Variants in C1GALT1 observed in about 807,000 individuals in gnomAD.
C1GALT1 encodes the protein core 1 synthase, glycoprotein-N-acetylgalactosamine 3-beta-galactosyltransferase 1.
C1GALT1 carries 11 observed loss-of-function variants against 31.0 expected under a neutral mutation model. The ratio of observed to expected loss-of-function variants is 0.36; its 90% CI spans 0.22 to 0.59. The LOEUF (loss-of-function observed/expected upper bound fraction) is 0.59, where lower values mean the gene tolerates loss of function less well. Among genes scored for constraint, C1GALT1 ranks in the 20% least tolerant of loss-of-function variants. C1GALT1 has a pLI of 0.79. For synonymous variants in C1GALT1, 175 were observed against 143.6 expected (o/e 1.22, Z -1.56); for missense variants, 424 against 425.2 (o/e 1.00, Z 0.03).
At chr7:7,241,002 A>T (rs1783601735) in intron 3 of C1GALT1, among the ~76,000 whole-genome samples, 2 of 152,054 alleles carry the variant, frequency 1.3e-5, no homozygotes, top group South Asian at 4.1e-4. Context: ...ACTCTTAAGC[A>T]GTTCCCTTCC....
At chr7:7,171,148 T>C (rs958210632) in intron 2 of C1GALT1, among the ~76,000 whole-genome samples, 7 of 152,156 alleles carry the variant, frequency 4.6e-5, no homozygotes, top group Non-Finnish European at 8.8e-5. Flanking sequence ...AAGTCTTTTA[T>C]TTTGTGACTT....
At chr7:7,211,571 G>A (rs879858990) in intron 1 of C1GALT1, among the ~76,000 whole-genome samples, 1 of 152,186 alleles carries the variant, frequency 6.6e-6, no homozygotes, top group Admixed American at 6.5e-5. Flanking sequence ...TATCCCTATT[G>A]CAAACAGTAG....
intron 1 of C1GALT1, among the ~76,000 whole-genome samples, chr7:7,205,841 T>A (rs1781716281): frequency 6.6e-6 from 1 of 152,222 alleles, no homozygotes; most frequent in African/African-American, 2.4e-5. Flanking sequence ...TGTAGTTGGA[T>A]GATGTTTATC....
At chr7:7,194,091 T>G (rs1182837415) in intron 1 of C1GALT1, among the ~76,000 whole-genome samples, 2 of 152,092 alleles carry the variant, frequency 1.3e-5, no homozygotes, top group African/African-American at 4.8e-5. Flanking sequence ...CTTTAGGGTT[T>G]TCTTGGTGTA....
chr7:7,220,322 T>C (rs1199161432), intron 1 of C1GALT1, among the ~76,000 whole-genome samples: 1 of 152,242 alleles, frequency 6.6e-6, no homozygotes, highest in East Asian at 1.9e-4. Context: ...TTTGCTATAT[T>C]ATATTTTAGA....
In C1GALT1 at chr7:7,238,494, G is replaced by A; in HGVS notation, c.460G>A (p.Val154Ile). The A allele has an allele frequency of 6.2e-7, 1 of 1,614,082 alleles. No homozygotes were observed. Among genetic ancestry groups the A allele is most frequent in the South Asian group, 1.1e-5 (1 of 91,078 alleles). ...YWKTIKAFQY[V>I]HEHYLEDADW... ...GAAAACAATTAAAGCTTTTCAGTAT[G>A]TTCATGAACATTATTTAGAAGATGC... Residue 154 changes from valine (V) to isoleucine (I), a missense_variant, in exon 3 of 4, where the codon GTT (valine) becomes ATT (isoleucine). Physicochemically the swap from Val to Ile is conservative, Grantham distance 29 (BLOSUM62 3). Around this residue, in one of 3 missense-constraint regions of C1GALT1, gnomAD observed 44 missense variants for 78.3 expected, o/e 0.56. Transcript: ENST00000436587. The surrounding 1 kb of genome is among the most constrained non-coding windows in gnomAD (Gnocchi z 5.2).
chr7:7,183,198 C>T (rs904942537), intron 1 of C1GALT1, among the ~76,000 whole-genome samples: 1 of 151,966 alleles, frequency 6.6e-6, no homozygotes, highest in South Asian at 2.1e-4. Flanking sequence ...AGCGGTCCTG[C>T]CCCGCCGGGC....
At chr7:7,239,036 A>G in intron 3 of C1GALT1, 114 bp downstream of exon 3, 1 of 852,916 alleles carries the variant, frequency 1.2e-6, no homozygotes. Flanking sequence ...ACTCTTCCTT[A>G]GTCTTTTTAA....
chr7:7,233,967 C>T (rs979871337), intron 1 of C1GALT1, among the ~76,000 whole-genome samples: 10 of 152,042 alleles, frequency 6.6e-5, no homozygotes, highest in African/African-American at 2.2e-4. Flanking sequence ...AGTAGACTTC[C>T]GTACTCAGAG....
At chr7:7,207,133 GC>G (rs1781773547) in intron 1 of C1GALT1, among the ~76,000 whole-genome samples, 1 of 151,858 alleles carries the variant, frequency 6.6e-6, no homozygotes, top group Non-Finnish European at 1.5e-5. Context: ...CATTTCTTCA[GC>G]CGTTTTTCTT....
chr7:7,198,518 G>A (rs1429892635), intron 1 of C1GALT1, among the ~76,000 whole-genome samples: 2 of 152,148 alleles, frequency 1.3e-5, no homozygotes, highest in African/African-American at 4.8e-5. Flanking sequence ...GTCTCTGCTA[G>A]GCTTTGGTAT....
intron 3 of C1GALT1, 85 bp downstream of exon 3, chr7:7,239,007 T>G: frequency 9.2e-7 from 1 of 1,088,808 alleles, no homozygotes; most frequent in Non-Finnish European, 1.3e-6. Context: ...TGTATGTTTC[T>G]TTAGTACCAA....
chr7:7,234,303 A>AGGG lies in C1GALT1; in HGVS notation c.-17_-16insGGG, dbSNP rs753658786. 1.4e-4 allele frequency: 228 copies of AGGG among 1,609,026 alleles called. No individual in the cohort carries two copies. The highest frequency in any genetic ancestry group is 1.8e-4 in the Non-Finnish European group (210 of 1,176,348). On this transcript the variant is annotated splice_region_variant and 5_prime_UTR_variant, in exon 2 of 4. Coordinates refer to ENST00000436587, the MANE Select transcript of C1GALT1 (RefSeq NM_020156.5). ...ATCCTGCTAATTTTTGTTCTTACAGAAATACACTTTCGGGAAATGGCCTCT... is the reference window on the plus strand; with the variant it reads ...ATCCTGCTAATTTTTGTTCTTACAGAGGGAATACACTTTCGGGAAATGGCCTCT...
At chr7:7,228,981 G>C (rs1008180495) in intron 1 of C1GALT1, among the ~76,000 whole-genome samples, 5 of 151,950 alleles carry the variant, frequency 3.3e-5, no homozygotes, top group Non-Finnish European at 7.4e-5. Context: ...CTTGGAATAT[G>C]ATTGAGTAGC....
chr7:7,198,779 A>C (rs569955695), intron 1 of C1GALT1, among the ~76,000 whole-genome samples: 10 of 152,332 alleles, frequency 6.6e-5, no homozygotes, highest in Admixed American at 1.3e-4. Context: ...GTATGTGTCC[A>C]GGAATTTATC....
In C1GALT1 at chr7:7,238,440, A is replaced by G; in HGVS notation, c.406A>G (p.Thr136Ala). 1 of 1,613,908 alleles carries G rather than the reference A, an allele frequency of 6.2e-7. No homozygotes were observed. The highest frequency in any genetic ancestry group is 1.1e-5 in the South Asian group (1 of 91,046). ...NKDFPAVGLK[T>A]KEGRDQLYWK... ...AGACTTCCCTGCTGTGGGACTGAAAACCAAAGAAGGCAGAGATCAACTATA... is the reference window on the plus strand; with the variant it reads ...AGACTTCCCTGCTGTGGGACTGAAAGCCAAAGAAGGCAGAGATCAACTATA... The change falls in exon 3 of 4, where the codon ACC (threonine) becomes GCC (alanine). Residue 136 changes from threonine (T) to alanine (A), a missense_variant. Thr to Ala is a moderately conservative substitution (Grantham distance 58). Around this residue, in one of 3 missense-constraint regions of C1GALT1, gnomAD observed 189 missense variants for 158.2 expected, o/e 1.19. Coordinates refer to ENST00000436587, the MANE Select transcript of C1GALT1 (RefSeq NM_020156.5). The surrounding 1 kb of genome is among the most constrained non-coding windows in gnomAD (Gnocchi z 5.2).
chr7:7,228,163 G>T (rs1420339061), intron 1 of C1GALT1, among the ~76,000 whole-genome samples: 2 of 151,746 alleles, frequency 1.3e-5, no homozygotes, highest in Non-Finnish European at 2.9e-5. Flanking sequence ...AGAGAAACCT[G>T]TAATGATAAT....
At chr7:7,164,189 C>T (rs530300839) in intron 2 of C1GALT1, among the ~76,000 whole-genome samples, 121 of 152,250 alleles carry the variant, frequency 7.9e-4, no homozygotes, top group Non-Finnish European at 1.4e-3. Flanking sequence ...TGATCTTTGA[C>T]AAACCTGAGA....
At chr7:7,179,135 G>A (rs1398357787), upstream of C1GALT1, among the ~76,000 whole-genome samples, 1 of 152,184 alleles carries the variant, frequency 6.6e-6, no homozygotes, top group Non-Finnish European at 1.5e-5. Flanking sequence ...TAAGTTGCCT[G>A]AGTGACCTTA....
Sources: allele counts gnomAD v4.1 joint callset (sites outside exome capture counted in the v4.1 genomes callset), GRCh38; gene constraint gnomAD v4.1.1; regional missense constraint gnomAD v4.1.1; non-coding constraint Gnocchi (gnomAD v3.1); transcripts MANE v1.5; gene names NCBI Gene and HGNC (gene_info 2026-07-23, HGNC 2026-07-21).